GPD1: variants seen among roughly 807,000 people sequenced by gnomAD.
GPD1 encodes the protein glycerol-3-phosphate dehydrogenase [NAD(+)], cytoplasmic.
GPD1 carries 19 observed loss-of-function variants against 34.4 expected under a neutral mutation model. The observed-to-expected ratio is 0.55, with a 90% CI of 0.39 to 0.81. The LOEUF (loss-of-function observed/expected upper bound fraction) is 0.81, where lower values mean the gene tolerates loss of function less well. Ranked by LOEUF, GPD1 falls within the 30% of genes least tolerant of loss-of-function variation. The probability of loss-of-function intolerance (pLI) is 0.00; values close to 1 mark genes in which losing one functional copy is unlikely to be tolerated. For synonymous variants in GPD1, 172 were observed against 174.1 expected (o/e 0.99, Z 0.09); for missense variants, 429 against 447.0 (o/e 0.96, Z 0.36).
rs1186008574 is a variant in GPD1 at position 50,109,429 on chromosome 12, CT to C, written c.962del (p.Leu321CysfsTer53). ...QHKGLVDKFPLFMAVYKVCYE... is the reference protein window; with the variant it reads ...QHKGLVDKFPXFMAVYKVCYE... ...CTTTCCCTCTCCAATCTAGGTTTCCCTTGTTCATGGCTGTGTACAAGGTGTG... is the reference window on the plus strand; with the variant it reads ...CTTTCCCTCTCCAATCTAGGTTTCCCTGTTCATGGCTGTGTACAAGGTGTG... On this transcript the variant is annotated frameshift_variant, in exon 8 of 8. Coordinates refer to ENST00000301149, the MANE Select transcript of GPD1 (RefSeq NM_005276.4). LOFTEE classifies it high-confidence loss of function. 8 of 1,543,872 alleles carry C rather than the reference CT, an allele frequency of 5.2e-6. No individual in the cohort carries two copies. Among genetic ancestry groups the C allele is most frequent in the Non-Finnish European group, 7.2e-6 (8 of 1,115,758 alleles).
intron 5 of GPD1, 134 bp downstream of exon 5, chr12:50,107,051 C>A (rs755880286): frequency 2.5e-5 from 18 of 714,434 alleles, no homozygotes; most frequent in Non-Finnish European, 4.4e-5. Context: ...ATGTCCCATG[C>A]ATATAGGAGG....
intron 1 of GPD1, 64 bp from the exon 2 acceptor site, chr12:50,104,510 C>T (rs553755742): frequency 8.6e-6 from 11 of 1,281,440 alleles, no homozygotes; most frequent in South Asian, 2.4e-5. Flanking sequence ...TGAGGTGGGG[C>T]GCTGCCCCAA....
At position 50,104,647 on chromosome 12, in the gene GPD1, T is replaced by C; in HGVS notation, c.115T>C (p.Trp39Arg). 1 of 1,613,766 alleles carries C rather than the reference T, an allele frequency of 6.2e-7. No homozygotes were observed. The highest frequency in any genetic ancestry group is 1.1e-5 in the South Asian group (1 of 91,076). Residue 39 changes from tryptophan (W) to arginine (R), a missense_variant, in exon 2 of 8, where the codon TGG (tryptophan) becomes CGG (arginine). Trp to Arg is a moderately radical substitution (Grantham distance 101). Coordinates refer to ENST00000301149, the MANE Select transcript of GPD1 (RefSeq NM_005276.4). Reference sequence around the variant, plus strand: ...ACAGTTTGACCCACGGGTGACCATGTGGGTATTTGAGGAAGACATTGGAGG... The same window carrying C: ...ACAGTTTGACCCACGGGTGACCATGCGGGTATTTGAGGAAGACATTGGAGG... ...LAQFDPRVTM[W>R]VFEEDIGGKK...
rs1176446751 is a variant in GPD1 at position 50,110,670 on chromosome 12, G to A, written c.*1151G>A. The A allele has an allele frequency of 2.0e-5, 3 of 152,584 alleles. No homozygotes were observed. The highest frequency in any genetic ancestry group is 4.4e-5 in the Non-Finnish European group (3 of 68,076). The allele number at this position is 152,584 out of a possible 1,614,324, so 9.5% of individuals were successfully genotyped here. ...ATGTTGGTGGGCACCAATATTCCAA[G>A]GGCAGCTCTCTTTGCTGAATGAGGG... is the stretch of plus-strand genomic sequence containing the variant. On this transcript the variant is annotated 3_prime_UTR_variant, in exon 8 of 8. Coordinates refer to ENST00000301149, the MANE Select transcript of GPD1 (RefSeq NM_005276.4).
At chr12:50,109,376 G>C in intron 7 of GPD1, 47 bp from the exon 8 acceptor site, 1 of 948,340 alleles carries the variant, frequency 1.1e-6, no homozygotes. Flanking sequence ...GGGGTAGAGT[G>C]GACCAGGAGT....
intron 6 of GPD1, 92 bp downstream of exon 6, chr12:50,107,892 T>A: frequency 9.3e-7 from 1 of 1,078,868 alleles, no homozygotes; most frequent in East Asian, 2.4e-5. Flanking sequence ...GCACAAACAT[T>A]AAGACTGTTG....
chr12:50,108,029 T>C lies in GPD1; in HGVS notation c.852T>C (p.Ile284=). The change falls in exon 7 of 8, where the codon ATT becomes ATC. Residue 284 remains isoleucine (I), a synonymous_variant. Transcript: ENST00000301149. The stretch of plus-strand genomic sequence containing the variant: ...TCATCCTGTTTTCTGCACAGTCCAT[T>C]GAGCAGCTGGAGAAAGAGTTGCTGA... ...AEAFARTGKS[I]EQLEKELLNG... 6.2e-7 allele frequency: 1 copy of C among 1,606,792 alleles called. No individual in the cohort carries two copies. Among genetic ancestry groups the C allele is most frequent in the Non-Finnish European group, 8.5e-7 (1 of 1,174,262 alleles).
chr12:50,106,760 T>TAA, intron 4 of GPD1, 45 bp from the exon 5 acceptor site: 1 of 1,105,162 alleles, frequency 9.0e-7, no homozygotes. Flanking sequence ...AAATATTTTT[T>TAA]AAAAAGAGTC....
intron 1 of GPD1, 99 bp downstream of exon 1, chr12:50,104,190 T>A: frequency 1.8e-6 from 2 of 1,119,344 alleles, no homozygotes; most frequent in Non-Finnish European, 2.7e-6. Flanking sequence ...AGGTTCCTGT[T>A]CAGCCCCTGC....
intron 5 of GPD1, 158 bp from the exon 6 acceptor site, chr12:50,107,409 G>T (rs753551241): frequency 1.3e-6 from 1 of 742,284 alleles, no homozygotes; most frequent in Non-Finnish European, 2.4e-6. Flanking sequence ...GGTGCAGCAA[G>T]GGGGGAAACC....
At chr12:50,104,118 G>A (rs1950961157) in intron 1 of GPD1, 27 bp downstream of exon 1, 1 of 1,609,068 alleles carries the variant, frequency 6.2e-7, no homozygotes, top group Non-Finnish European at 8.5e-7. Flanking sequence ...AGTGATATGG[G>A]GGAAGGGTAG....
intron 2 of GPD1, 186 bp from the exon 3 acceptor site, chr12:50,105,362 G>C: frequency 3.2e-6 from 2 of 615,808 alleles, no homozygotes; most frequent in South Asian, 4.0e-5. Context: ...GGGAGACAGA[G>C]TGGTAGCTGG....
intron 7 of GPD1, among the ~76,000 whole-genome samples, chr12:50,108,341 T>C (rs77437968): frequency 1.3e-5 from 2 of 152,210 alleles, no homozygotes; most frequent in African/African-American, 4.8e-5. Context: ...TCCAGTCTAG[T>C]GCTCTTCACA....
Position 50,104,722 on chromosome 12 carries a change from CT to C in GPD1, c.191del (p.Leu64ArgfsTer26). On this transcript the variant is annotated frameshift_variant, in exon 2 of 8. Coordinates refer to ENST00000301149, the MANE Select transcript of GPD1 (RefSeq NM_005276.4). LOFTEE classifies it high-confidence loss of function. ...INTQHENVKY[L>X]PGHKLPPNVV... ...CACGCAGCATGAGAATGTCAAATACCTGCCAGGGCACAAGTTGCCCCCAAAT... is the reference window on the plus strand; with the variant it reads ...CACGCAGCATGAGAATGTCAAATACCGCCAGGGCACAAGTTGCCCCCAAAT... 6.2e-7 allele frequency: 1 copy of C among 1,614,132 alleles called. No homozygotes were observed. Among genetic ancestry groups the C allele is most frequent in the Non-Finnish European group, 8.5e-7 (1 of 1,179,970 alleles).
chr12:50,109,733 A>C lies in GPD1; in HGVS notation c.*214A>C. 1 of 548,596 alleles carries C rather than the reference A, an allele frequency of 1.8e-6. No individual in the cohort carries two copies. Among genetic ancestry groups the C allele is most frequent in the Non-Finnish European group, 3.3e-6 (1 of 303,354 alleles). The allele number at this position is 548,596 out of a possible 1,614,324, so 34.0% of individuals were successfully genotyped here. On this transcript the variant is annotated 3_prime_UTR_variant, in exon 8 of 8. Coordinates refer to ENST00000301149, the MANE Select transcript of GPD1 (RefSeq NM_005276.4). Reference sequence around the variant, plus strand: ...CCTCATGCCACCACATTTGCCAGAAATGCAGTTGCCCTGTCCCTCTCCAGA... The same window carrying C: ...CCTCATGCCACCACATTTGCCAGAACTGCAGTTGCCCTGTCCCTCTCCAGA...
intron 1 of GPD1, 65 bp from the exon 2 acceptor site, chr12:50,104,509 G>C: frequency 7.9e-7 from 1 of 1,273,320 alleles, no homozygotes; most frequent in Non-Finnish European, 1.2e-6. Context: ...CTGAGGTGGG[G>C]CGCTGCCCCA....
chr12:50,104,359 G>T, intron 1 of GPD1: 1 of 706,392 alleles, frequency 1.4e-6, no homozygotes, highest in African/African-American at 1.7e-5. Context: ...TGAGAAGTGG[G>T]GCTCCCTTCT....
chr12:50,109,134 CA>C (rs34926030), intron 7 of GPD1, among the ~76,000 whole-genome samples: 1,505 of 64,338 alleles, frequency 0.023, 8 homozygotes, highest in East Asian at 0.095. Context: ...GAGTCTGTCT[CA>C]AAAAAAAAAA....
In GPD1 at chr12:50,110,313, C is replaced by T. The variant is rs1951013591; in HGVS notation, c.*794C>T. ...CCTTCCCTCACCCTCCCCGCCAGCA[C>T]CCTCTTTGGGGAGCAGGAACTTAAT... is the stretch of plus-strand genomic sequence containing the variant. On this transcript the variant is annotated 3_prime_UTR_variant, in exon 8 of 8. Coordinates refer to ENST00000301149, the MANE Select transcript of GPD1 (RefSeq NM_005276.4). 1 of 152,912 alleles carries T rather than the reference C, an allele frequency of 6.5e-6. No individual in the cohort carries two copies. 9.5% of individuals were successfully genotyped at this position (152,912 alleles called of 1,614,324 possible). A position where few individuals can be genotyped will look rare whatever the true frequency, so the allele number is the denominator to read the frequency against.
Sources: allele counts gnomAD v4.1 joint callset (sites outside exome capture counted in the v4.1 genomes callset), GRCh38; gene constraint gnomAD v4.1.1; transcripts MANE v1.5; gene names NCBI Gene and HGNC (gene_info 2026-07-23, HGNC 2026-07-21).